The following SMYD3 variants were observed in gnomAD, a reference collection of about 807,000 sequenced individuals.
SMYD3 encodes the protein histone-lysine N-methyltransferase SMYD3.
SMYD3 carries 36 observed loss-of-function variants against 57.7 expected under a neutral mutation model. That is an observed-to-expected ratio of 0.62 (90% CI 0.48 to 0.82). The LOEUF (loss-of-function observed/expected upper bound fraction) is 0.82. Ranked by LOEUF, SMYD3 falls within the 40% of genes least tolerant of loss-of-function variation. The probability of loss-of-function intolerance (pLI) is 0.00; values close to 1 mark genes in which losing one functional copy is unlikely to be tolerated. For missense variants in SMYD3, 515 were observed against 538.8 expected, an observed-to-expected ratio of 0.96 and a Z score of 0.44; for synonymous variants, 211 against 195.0, an observed-to-expected ratio of 1.08 and a Z score of -0.68.
At chr1:245,783,718 TA>T (rs2046926189) in intron 10 of SMYD3, among the ~76,000 whole-genome samples, 1 of 152,220 alleles carries the variant, frequency 6.6e-6, no homozygotes, top group South Asian at 2.1e-4. Context: ...TCAACCCACG[TA>T]AATTAATTAT....
chr1:245,935,676 A>T (rs2056953126), intron 5 of SMYD3, among the ~76,000 whole-genome samples: 1 of 152,202 alleles, frequency 6.6e-6, no homozygotes, highest in African/African-American at 2.4e-5. Flanking sequence ...TGTAGTATAG[A>T]TACACAAATG....
chr1:245,888,789 C>T (rs533858966), intron 8 of SMYD3, among the ~76,000 whole-genome samples: 1 of 152,300 alleles, frequency 6.6e-6, no homozygotes, highest in South Asian at 2.1e-4. Context: ...GTCATTTCAG[C>T]AGGTTTTAAA....
intron 1 of SMYD3, among the ~76,000 whole-genome samples, chr1:246,360,102 A>T (rs1043855956): frequency 2.6e-5 from 4 of 151,742 alleles, no homozygotes; most frequent in Non-Finnish European, 5.9e-5. Context: ...CTAGTACATG[A>T]ATTCAGCAAA....
intron 5 of SMYD3, among the ~76,000 whole-genome samples, chr1:246,002,215 C>T (rs186289477): frequency 1.3e-4 from 19 of 151,070 alleles, no homozygotes; most frequent in Non-Finnish European, 1.8e-4. Flanking sequence ...AATGGAGTCT[C>T]GCTCCGTCAC....
Position 245,800,428 on chromosome 1 carries a change from T to G in SMYD3, c.1077-36279A>C, listed in dbSNP as rs116522546. Among the ~76,000 whole-genome samples, 1,209 of 149,024 alleles carry G rather than the reference T, an allele frequency of 8.1e-3. 19 individuals are homozygous for G. Among genetic ancestry groups the G allele is most frequent in the African/African-American group, 0.028 (1,141 of 40,624 alleles). The stretch of plus-strand genomic sequence containing the variant: ...TAGTGATAGGGTTATATATGCTGGG[T>G]TTTTTTTTTAAATAATGCTATATCT... On this transcript the variant is annotated intron_variant, in intron 10 of 11. Transcript: ENST00000490107.
At chr1:246,042,936 T>G (rs1292920729) in intron 5 of SMYD3, among the ~76,000 whole-genome samples, 1 of 152,204 alleles carries the variant, frequency 6.6e-6, no homozygotes, top group Non-Finnish European at 1.5e-5. Context: ...TGGCTACTCT[T>G]AATAAATACG....
chr1:246,118,760 G>A (rs2061378291), intron 5 of SMYD3, among the ~76,000 whole-genome samples: 1 of 150,610 alleles, frequency 6.6e-6, no homozygotes, highest in Non-Finnish European at 1.5e-5. Flanking sequence ...CTAAAGAGAA[G>A]TGTTGTATGA....
At chr1:246,104,012 T>A (rs770469709) in intron 5 of SMYD3, among the ~76,000 whole-genome samples, 3 of 152,240 alleles carry the variant, frequency 2.0e-5, no homozygotes, top group Non-Finnish European at 2.9e-5. Flanking sequence ...CATGACTCTT[T>A]TCAGGGTTTC....
At chr1:246,336,314 C>G (rs911044916) in intron 2 of SMYD3, among the ~76,000 whole-genome samples, 3 of 152,152 alleles carry the variant, frequency 2.0e-5, no homozygotes, top group Non-Finnish European at 2.9e-5. Flanking sequence ...ATATTTAGCC[C>G]TGGTGAGTAG....
chr1:246,232,147 A>ATGCCTGCTTCTTCCTT (rs144873839), intron 5 of SMYD3, among the ~76,000 whole-genome samples: 31,431 of 152,042 alleles, frequency 0.21, 3,936 homozygotes, highest in East Asian at 0.58. Flanking sequence ...AATAAATCCA[A>ATGCCTGCTTCTTCCTT]TGGAAGCTCT....
At chr1:246,489,526 GAGAA>G (rs1558488396) in intron 1 of SMYD3, among the ~76,000 whole-genome samples, 3 of 152,050 alleles carry the variant, frequency 2.0e-5, no homozygotes, top group African/African-American at 7.2e-5. Flanking sequence ...AACAACTAAG[GAGAA>G]AGAAAAAGGA....
At chr1:245,958,866 G>A (rs1468471047) in intron 5 of SMYD3, among the ~76,000 whole-genome samples, 2 of 152,124 alleles carry the variant, frequency 1.3e-5, no homozygotes, top group Non-Finnish European at 2.9e-5. Flanking sequence ...TTTAAGCAGA[G>A]GCTAGATAAT....
Position 246,432,611 on chromosome 1 carries a change from T to C in SMYD3, c.164+74443A>G, listed in dbSNP as rs550630498. ...ACGATGTGAGGTTGAGTTTTAAATATACTGGAAGACTTCTCTGTGTAACAG... is the reference window on the plus strand; with the variant it reads ...ACGATGTGAGGTTGAGTTTTAAATACACTGGAAGACTTCTCTGTGTAACAG... On this transcript the variant is annotated intron_variant, in intron 1 of 11. Transcript: ENST00000490107. Among the ~76,000 whole-genome samples the C allele has an allele frequency of 3.3e-5, 5 of 152,348 alleles. No homozygotes were observed. The South Asian group carries it at 8.3e-4, about 25-fold the overall frequency.
intron 5 of SMYD3, among the ~76,000 whole-genome samples, chr1:246,288,732 G>A (rs2064625127): frequency 1.3e-5 from 2 of 152,140 alleles, no homozygotes; most frequent in South Asian, 4.1e-4. Flanking sequence ...CACCATTAAG[G>A]GGTAAGTTTG....
intron 1 of SMYD3, among the ~76,000 whole-genome samples, chr1:246,391,377 T>TGA (rs746811956): frequency 3.4e-5 from 4 of 117,366 alleles, no homozygotes; most frequent in East Asian, 2.6e-4. Flanking sequence ...GAGACCTTAT[T>TGA]GAGAGAGAGA....
At chr1:246,505,742 AG>A (rs2068527730) in intron 1 of SMYD3, among the ~76,000 whole-genome samples, 1 of 152,228 alleles carries the variant, frequency 6.6e-6, no homozygotes, top group Non-Finnish European at 1.5e-5. Context: ...CCACCCACAA[AG>A]GGTTTGTGTA....
chr1:246,338,578 T>A (rs1375621748), intron 2 of SMYD3, among the ~76,000 whole-genome samples: 1 of 152,140 alleles, frequency 6.6e-6, no homozygotes, highest in Non-Finnish European at 1.5e-5. Flanking sequence ...ACAATAAGCA[T>A]GAACTGGCTT....
intron 5 of SMYD3, among the ~76,000 whole-genome samples, chr1:246,272,085 T>C (rs149174928): frequency 6.6e-6 from 1 of 152,346 alleles, no homozygotes; most frequent in African/African-American, 2.4e-5. Context: ...GATTGTTCAC[T>C]GTTTGTTTGT....
chr1:245,878,149 T>C (rs2052588357), intron 8 of SMYD3, among the ~76,000 whole-genome samples: 1 of 152,172 alleles, frequency 6.6e-6, no homozygotes, highest in Non-Finnish European at 1.5e-5. Context: ...TGGGGAGTGA[T>C]AACTCCTATT....
Sources: allele counts gnomAD v4.1 joint callset (sites outside exome capture counted in the v4.1 genomes callset), GRCh38; gene constraint gnomAD v4.1.1; transcripts MANE v1.5; gene names NCBI Gene and HGNC (gene_info 2026-07-23, HGNC 2026-07-21).